BSN: variants seen among roughly 807,000 people sequenced by gnomAD.
BSN encodes the protein protein bassoon.
In BSN, 57 loss-of-function variants were observed where a neutral mutation model predicts 264.8. That is an observed-to-expected ratio of 0.22 (90% confidence interval 0.17 to 0.27). BSN has a LOEUF of 0.27. BSN is among the 10% of genes least tolerant of loss of function. The pLI, the probability that BSN is intolerant of heterozygous loss-of-function variation, is 1.00. For synonymous variants in BSN, 2,059 were observed against 2,137.3 expected (o/e 0.96, Z 1.01); for missense variants, 4,615 against 5,232.5 (o/e 0.88, Z 3.64).
Position 49,657,843 on chromosome 3 carries a change from C to T in BSN, c.8287C>T (p.Pro2763Ser), listed in dbSNP as rs1177005410. 6.2e-7 allele frequency: 1 copy of T among 1,610,808 alleles called. No individual in the cohort carries two copies. The highest frequency in any genetic ancestry group is 1.7e-5 in the Admixed American group (1 of 59,526). The change falls in exon 5 of 12, where the codon CCA (proline) becomes TCA (serine). Residue 2763 changes from proline to serine, a missense_variant. Pro to Ser is a moderately conservative substitution (Grantham distance 74). Coordinates refer to ENST00000296452, the MANE Select transcript of BSN (RefSeq NM_003458.4). The stretch of plus-strand genomic sequence containing the variant: ...TCTGGGCAGATTTGAAAAAAAGAAG[C>T]CAGATCCCCTGGAGATTGGGTACCA... ...GPLGRFEKKK[P>S]DPLEIGYQAH...
chr3:49,650,086 C>T lies in BSN; in HGVS notation c.1519-526C>T, dbSNP rs557093455. 3.3e-5 allele frequency among the ~76,000 whole-genome samples: 5 copies of T among 152,322 alleles called. No individual in the cohort carries two copies. The South Asian group carries it at 1.0e-3, about 32-fold the overall frequency. On this transcript the variant is annotated intron_variant, in intron 3 of 11. Coordinates refer to ENST00000296452, the MANE Select transcript of BSN (RefSeq NM_003458.4). ...CTCCCCTGGCCCCAGGAGTCTGCAC[C>T]CTATCTAGCATAGCCCTTACCTGGG...
intron 3 of BSN, among the ~76,000 whole-genome samples, chr3:49,644,803 C>A (rs1334127909): frequency 6.6e-6 from 1 of 152,192 alleles, no homozygotes; most frequent in Non-Finnish European, 1.5e-5. Context: ...CCTTATTAAG[C>A]AGAATGTGCA....
At chr3:49,589,810 T>A (rs778690319) in intron 1 of BSN, among the ~76,000 whole-genome samples, 2 of 147,654 alleles carry the variant, frequency 1.4e-5, no homozygotes, top group Non-Finnish European at 3.0e-5. Flanking sequence ...GCCTGGCCAA[T>A]CTTCATTTTA....
rs2051933617 is a variant in BSN, at chr3:49,585,914, C to T, written c.224+31088C>T. ...TCGTGTGTCTTCTTTTGAGAAATGTCTATTCAGATCTTTTGTTCATTTTTG... is the reference window on the plus strand; with the variant it reads ...TCGTGTGTCTTCTTTTGAGAAATGTTTATTCAGATCTTTTGTTCATTTTTG... On this transcript the variant is annotated intron_variant, in intron 1 of 11. Transcript: ENST00000296452. This position sits in a 1 kb window ranked among gnomAD's most constrained non-coding sequence, Gnocchi z 4.7. 2.0e-5 allele frequency among the ~76,000 whole-genome samples: 3 copies of T among 152,098 alleles called. No individual in the cohort carries two copies.
rs1553662619 is a variant in BSN at position 49,610,598 on chromosome 3, A to AAAC, written c.225-14375_225-14374insCAA. On this transcript the variant is annotated intron_variant, in intron 1 of 11. Transcript: ENST00000296452. ...AAATTTCATCTCAAAAAAAAAAAAA[A>AAAC]AAAAAAAACAAGTAGGCCTGATTTC... Among the ~76,000 whole-genome samples the AAAC allele has an allele frequency of 1.2e-4, 18 of 151,688 alleles. No individual in the cohort carries two copies. In the East Asian group the frequency reaches 1.7e-3, roughly 15 times the overall value.
At chr3:49,588,480 A>T (rs535625843) in intron 1 of BSN, among the ~76,000 whole-genome samples, 43 of 152,192 alleles carry the variant, frequency 2.8e-4, no homozygotes, top group East Asian at 1.2e-3. Context: ...GGTTTTTTTT[A>T]AAATCATGAA....
chr3:49,622,980 A>G (rs1350385489), intron 1 of BSN, among the ~76,000 whole-genome samples: 5 of 152,076 alleles, frequency 3.3e-5, no homozygotes, highest in Admixed American at 1.3e-4. Flanking sequence ...GTTAAACACT[A>G]TTTAATAGTG....
intron 1 of BSN, among the ~76,000 whole-genome samples, chr3:49,607,930 C>T (rs190707517): frequency 1.1e-4 from 16 of 152,312 alleles, no homozygotes; most frequent in South Asian, 2.1e-4. Context: ...GCCAGGCCTT[C>T]GTGGCTGTTA....
intron 2 of BSN, among the ~76,000 whole-genome samples, chr3:49,636,754 C>T (rs978723961): frequency 6.6e-6 from 1 of 152,252 alleles, no homozygotes; most frequent in African/African-American, 2.4e-5. Context: ...CCCACTGGGA[C>T]CCTGTGGTAC....
intron 1 of BSN, among the ~76,000 whole-genome samples, chr3:49,595,153 T>C (rs1327397118): frequency 2.0e-5 from 3 of 152,074 alleles, no homozygotes; most frequent in South Asian, 4.2e-4. Flanking sequence ...CCTCCCAAAG[T>C]GCTGGGATTA....
intron 1 of BSN, among the ~76,000 whole-genome samples, chr3:49,563,918 G>A (rs1575424272): frequency 6.6e-6 from 1 of 152,092 alleles, no homozygotes; most frequent in Non-Finnish European, 1.5e-5. Flanking sequence ...CTATCTGCTG[G>A]TCTTGGCTCT....
At chr3:49,566,546 A>G (rs1247257607) in intron 1 of BSN, among the ~76,000 whole-genome samples, 1 of 152,108 alleles carries the variant, frequency 6.6e-6, no homozygotes, top group Non-Finnish European at 1.5e-5. Flanking sequence ...GCACTTTGGG[A>G]AGCTGGGATG....
intron 3 of BSN, among the ~76,000 whole-genome samples, chr3:49,647,253 C>G (rs1171681217): frequency 6.6e-6 from 1 of 152,242 alleles, no homozygotes; most frequent in East Asian, 1.9e-4. Context: ...GCAGCTCTCA[C>G]GTGCCTAGAG....
chr3:49,661,872 C>T lies in BSN; in HGVS notation c.10027C>T (p.His3343Tyr). The T allele has an allele frequency of 6.2e-7, 1 of 1,613,666 alleles. No homozygotes were observed. The highest frequency in any genetic ancestry group is 1.3e-5 in the African/African-American group (1 of 75,074). Residue 3343 changes from histidine to tyrosine, a missense_variant, in exon 6 of 12, where the codon CAT (histidine) becomes TAT (tyrosine). Physicochemically the swap from His to Tyr is moderately conservative, Grantham distance 83. Around this residue, in one of 3 missense-constraint regions of BSN, gnomAD observed 3,415 missense variants for 3,866.4 expected, o/e 0.88. Coordinates refer to ENST00000296452, the MANE Select transcript of BSN (RefSeq NM_003458.4). Reference protein sequence around the residue: ...KYGPGPMGPKHPSKSLAPAAI... With the variant: ...KYGPGPMGPKYPSKSLAPAAI... ...TGGTCCAGGGCCCATGGGGCCCAAG[C>T]ATCCCTCCAAGAGCCTGGCTCCAGC...
At chr3:49,572,363 G>A (rs1404417278) in intron 1 of BSN, among the ~76,000 whole-genome samples, 2 of 152,136 alleles carry the variant, frequency 1.3e-5, no homozygotes, top group East Asian at 3.8e-4. Flanking sequence ...GGGAGTGGGT[G>A]ATGGATCAAG....
At position 49,594,215 on chromosome 3, in the gene BSN, T is replaced by C. The variant is rs2052003400; in HGVS notation, c.225-30760T>C. Among the ~76,000 whole-genome samples the C allele has an allele frequency of 2.0e-5, 3 of 152,358 alleles. No individual in the cohort carries two copies. The South Asian group carries it at 6.2e-4, about 32-fold the overall frequency. ...GCAAAACCTTTTAAATTTGATGAGA[T>C]CTAATTTGTCAGTCTTTCCTGTAAT... On this transcript the variant is annotated intron_variant, in intron 1 of 11. Transcript: ENST00000296452.
At chr3:49,628,129 G>T (rs938455664) in intron 2 of BSN, among the ~76,000 whole-genome samples, 11 of 152,256 alleles carry the variant, frequency 7.2e-5, no homozygotes, top group African/African-American at 2.7e-4. Context: ...TCTCCAAGAT[G>T]ACTAGTGAAA....
intron 1 of BSN, among the ~76,000 whole-genome samples, chr3:49,572,895 C>T (rs897022979): frequency 1.2e-4 from 19 of 152,162 alleles, no homozygotes; most frequent in Non-Finnish European, 2.8e-4. Context: ...AGGAGGAAGG[C>T]CGGTGAATAG....
chr3:49,651,258 G>C lies in BSN; in HGVS notation c.1986+179G>C, dbSNP rs980640844. 3 of 681,276 alleles carry C rather than the reference G, an allele frequency of 4.4e-6. No individual in the cohort carries two copies. Among genetic ancestry groups the C allele is most frequent in the Non-Finnish European group, 2.4e-6 (1 of 419,342 alleles). The allele number at this position is 681,276 out of a possible 1,614,324, so 42.2% of individuals were successfully genotyped here. A position where few individuals can be genotyped will look rare whatever the true frequency, so the allele number is the denominator to read the frequency against. ...AGGTTCTGGCACGCTTGGAGACTGT[G>C]GGTTTTACACTGGTGCTGTGTCTGG... is the stretch of plus-strand genomic sequence containing the variant. On this transcript the variant is annotated intron_variant, in intron 4 of 11. Transcript: ENST00000296452. This position sits in a 1 kb window ranked among gnomAD's most constrained non-coding sequence, Gnocchi z 5.4.
Sources: allele counts gnomAD v4.1 joint callset (sites outside exome capture counted in the v4.1 genomes callset), GRCh38; gene constraint gnomAD v4.1.1; regional missense constraint gnomAD v4.1.1; non-coding constraint Gnocchi (gnomAD v3.1); transcripts MANE v1.5; gene names NCBI Gene and HGNC (gene_info 2026-07-23, HGNC 2026-07-21).